Variants in GARNL3 observed in about 807,000 individuals in gnomAD.
The protein encoded by GARNL3 is GTPase activating Rap/RanGAP domain like 3.
A neutral mutation model predicts 125.0 loss-of-function variants in GARNL3; 63 were observed. That is an observed-to-expected ratio of 0.50 (90% CI 0.41 to 0.62). GARNL3 has a LOEUF of 0.62. GARNL3 is among the 20% of genes least tolerant of loss of function. GARNL3 has a pLI of 0.00. For synonymous variants in GARNL3, 439 were observed against 457.5 expected, an observed-to-expected ratio of 0.96 and a Z score of 0.52; for missense variants, 994 against 1,244.0, an observed-to-expected ratio of 0.80 and a Z score of 3.02.
At chr9:127,378,737 T>G (rs1035960403) in intron 22 of GARNL3, among the ~76,000 whole-genome samples, 2 of 151,784 alleles carry the variant, frequency 1.3e-5, no homozygotes, top group African/African-American at 4.8e-5. Context: ...TTTTTAAGAG[T>G]TTGAGCAGTG....
At chr9:127,346,535 G>A (rs555709290) in intron 16 of GARNL3, among the ~76,000 whole-genome samples, 122 of 152,300 alleles carry the variant, frequency 8.0e-4, no homozygotes, top group African/African-American at 2.9e-3. Flanking sequence ...CTGTTTCCAA[G>A]TACGTTATAG....
intron 2 of GARNL3, among the ~76,000 whole-genome samples, chr9:127,253,858 C>G (rs990269960): frequency 6.6e-6 from 1 of 152,104 alleles, no homozygotes; most frequent in Non-Finnish European, 1.5e-5. Context: ...GGGGGTGTTT[C>G]TTATCACTGA....
At chr9:127,238,059 A>T (rs7037948) in intron 1 of GARNL3, among the ~76,000 whole-genome samples, 25,099 of 152,126 alleles carry the variant, frequency 0.16, 6,368 homozygotes, top group African/African-American at 0.55. Flanking sequence ...GAAAGGCCAG[A>T]TCAACCTGAC....
chr9:127,246,115 G>A (rs369680827), intron 2 of GARNL3, among the ~76,000 whole-genome samples: 93 of 152,234 alleles, frequency 6.1e-4, no homozygotes, highest in African/African-American at 2.1e-3. Context: ...CCTGTGAAGG[G>A]AGACAAAAAT....
chr9:127,244,536 C>T (rs1408633897), intron 2 of GARNL3, among the ~76,000 whole-genome samples: 2 of 152,134 alleles, frequency 1.3e-5, no homozygotes, highest in African/African-American at 4.8e-5. Context: ...CATAAGAACT[C>T]GTATTTTTAC....
intron 1 of GARNL3, among the ~76,000 whole-genome samples, chr9:127,230,471 A>G (rs1375747610): frequency 6.6e-6 from 1 of 152,102 alleles, no homozygotes; most frequent in Non-Finnish European, 1.5e-5. Context: ...CCTGACCAAC[A>G]TGCAGAAACC....
Position 127,383,472 on chromosome 9 carries a change from T to C in GARNL3, c.2196T>C (p.Asn732=). ...TCTATAAAAAGGTTTGCCCCTTTAA[T>C]GGTGGCTCTTTTTTGGTTCAACCTT... ...SCIYKKVCPF[N]GGSFLVQPSA... Residue 732 remains asparagine (N), a synonymous_variant, in exon 23 of 28, where the codon AAT becomes AAC. Transcript: ENST00000373387. 1 of 1,613,630 alleles carries C rather than the reference T, an allele frequency of 6.2e-7. No homozygotes were observed. The highest frequency in any genetic ancestry group is 1.3e-5 in the African/African-American group (1 of 75,048).
At chr9:127,241,134 T>C (rs1341556304) in intron 1 of GARNL3, among the ~76,000 whole-genome samples, 1 of 152,130 alleles carries the variant, frequency 6.6e-6, no homozygotes, top group Non-Finnish European at 1.5e-5. Context: ...ACATGGAAGC[T>C]GTTCCTCCGC....
chr9:127,289,754 G>GTGAT (rs2064359078), intron 1 of GARNL3, among the ~76,000 whole-genome samples: 1 of 152,212 alleles, frequency 6.6e-6, no homozygotes, highest in African/African-American at 2.4e-5. Context: ...CCTCCCAGAA[G>GTGAT]CTGAGGGCAA....
chr9:127,342,098 T>A (rs964483195), intron 13 of GARNL3, 121 bp from the exon 14 acceptor site: 2 of 707,490 alleles, frequency 2.8e-6, no homozygotes, highest in Non-Finnish European at 4.9e-6. Flanking sequence ...AAAAAAAACC[T>A]CAAACAAAAA....
At chr9:127,263,590 T>C, upstream of GARNL3, 1 of 670,016 alleles carries the variant, frequency 1.5e-6, no homozygotes. Flanking sequence ...ACATATTTAA[T>C]ACAGATTGGA....
intron 23 of GARNL3, among the ~76,000 whole-genome samples, chr9:127,383,768 C>G (rs1832398466): frequency 6.6e-6 from 1 of 152,186 alleles, no homozygotes; most frequent in Admixed American, 6.5e-5. Context: ...AGTGCCTGAG[C>G]ATGTATGCAT....
intron 1 of GARNL3, among the ~76,000 whole-genome samples, chr9:127,231,737 T>A (rs2131135910): frequency 6.6e-6 from 1 of 152,292 alleles, no homozygotes; most frequent in Non-Finnish European, 1.5e-5. Flanking sequence ...CCAAATCTAC[T>A]TAGTCGGAAT....
chr9:127,312,855 G>A (rs925532208), intron 3 of GARNL3, among the ~76,000 whole-genome samples: 1 of 152,198 alleles, frequency 6.6e-6, no homozygotes, highest in African/African-American at 2.4e-5. Context: ...TCAGAGCAGT[G>A]AGGACTTTAG....
chr9:127,373,836 C>G (rs1222610785), intron 22 of GARNL3, among the ~76,000 whole-genome samples: 1 of 152,108 alleles, frequency 6.6e-6, no homozygotes, highest in African/African-American at 2.4e-5. Context: ...GAAATGCTGT[C>G]TCTACTAAAA....
intron 2 of GARNL3, among the ~76,000 whole-genome samples, chr9:127,254,301 A>G (rs1320204402): frequency 6.6e-6 from 1 of 152,232 alleles, no homozygotes; most frequent in Non-Finnish European, 1.5e-5. Context: ...CATGATGGTG[A>G]AGGATTTCTT....
At chr9:127,230,654 A>G (rs908691082) in intron 1 of GARNL3, among the ~76,000 whole-genome samples, 1 of 145,994 alleles carries the variant, frequency 6.8e-6, no homozygotes, top group African/African-American at 2.5e-5. Flanking sequence ...ACTCCATCTC[A>G]CCAAAAAAAA....
intron 1 of GARNL3, among the ~76,000 whole-genome samples, chr9:127,226,155 C>A (rs1013449422): frequency 1.3e-5 from 2 of 152,254 alleles, no homozygotes; most frequent in Non-Finnish European, 2.9e-5. Flanking sequence ...CTGTGCCCTT[C>A]GCGGCCAACA....
intron 2 of GARNL3, among the ~76,000 whole-genome samples, chr9:127,251,985 G>A (rs1254919046): frequency 5.3e-5 from 8 of 152,072 alleles, no homozygotes; most frequent in African/African-American, 9.7e-5. Context: ...TTTAACTACC[G>A]TTAGTTTCCC....
Sources: gnomAD v4.1 joint callset for allele counts (sites outside exome capture counted in the v4.1 genomes callset) on GRCh38, gnomAD v4.1.1 for gene constraint, MANE v1.5 for transcripts, NCBI Gene and HGNC (gene_info 2026-07-23, HGNC 2026-07-21) for gene names.